ZFPM1: variants seen among roughly 807,000 people sequenced by gnomAD.
ZFPM1 encodes zinc finger protein, FOG family member 1.
Under a neutral mutation model 46.3 loss-of-function variants are expected in ZFPM1, and 28 were observed. The ratio of observed to expected loss-of-function variants is 0.60; its 90% CI spans 0.45 to 0.83. The LOEUF (loss-of-function observed/expected upper bound fraction) is 0.83. Ranked by LOEUF, ZFPM1 falls within the 40% of genes least tolerant of loss-of-function variation. ZFPM1 has a pLI of 0.00. For synonymous variants in ZFPM1, 957 were observed against 675.9 expected, an observed-to-expected ratio of 1.42 and a Z score of -6.45; for missense variants, 1,878 against 1,432.4, an observed-to-expected ratio of 1.31 and a Z score of -5.02.
intron 1 of ZFPM1, among the ~76,000 whole-genome samples, chr16:88,483,411 G>A (rs749870618): frequency 1.3e-5 from 2 of 152,140 alleles, no homozygotes; most frequent in East Asian, 1.9e-4. Context: ...CCTGGCCCCC[G>A]ACCTCCCCTT....
rs1219781643 is a variant in ZFPM1, at chr16:88,504,688, C to T, written c.269-9699C>T. Among the ~76,000 whole-genome samples, 4 of 152,184 alleles carry T rather than the reference C, an allele frequency of 2.6e-5. No individual in the cohort carries two copies. The East Asian group carries it at 5.8e-4, about 22-fold the overall frequency. ...TACCGTGGCGCTCTGCCTGCCAGTCCAGCTGCCCCAGACGGGGCCAAGGTA... is the reference window on the plus strand; with the variant it reads ...TACCGTGGCGCTCTGCCTGCCAGTCTAGCTGCCCCAGACGGGGCCAAGGTA... On this transcript the variant is annotated intron_variant, in intron 3 of 9. Coordinates refer to ENST00000319555, the MANE Select transcript of ZFPM1 (RefSeq NM_153813.3).
chr16:88,493,816 G>A (rs183689818), intron 3 of ZFPM1, among the ~76,000 whole-genome samples: 18 of 152,244 alleles, frequency 1.2e-4, no homozygotes, highest in African/African-American at 4.1e-4. Context: ...AAGGATCAGG[G>A]AGGCACTCAG....
chr16:88,524,203 C>G (rs1365240417), intron 4 of ZFPM1, among the ~76,000 whole-genome samples: 2 of 152,180 alleles, frequency 1.3e-5, no homozygotes, highest in African/African-American at 2.4e-5. Context: ...ATTAGAGGCT[C>G]AGGAAGGCCA....
At chr16:88,519,949 G>A (rs1911699293) in intron 4 of ZFPM1, among the ~76,000 whole-genome samples, 1 of 149,886 alleles carries the variant, frequency 6.7e-6, no homozygotes, top group South Asian at 2.1e-4. Flanking sequence ...ATGGATGGAT[G>A]AATGGATGGA....
intron 3 of ZFPM1, among the ~76,000 whole-genome samples, chr16:88,502,334 G>A (rs528689135): frequency 4.2e-4 from 64 of 151,568 alleles, no homozygotes; most frequent in South Asian, 8.3e-4. Context: ...CTCCCACCCC[G>A]GCCCCCCGCC....
chr16:88,500,455 G>A (rs969879284), intron 3 of ZFPM1, among the ~76,000 whole-genome samples: 36 of 152,372 alleles, frequency 2.4e-4, no homozygotes, highest in Admixed American at 1.6e-3. Flanking sequence ...CACTACACCC[G>A]TGTCACCACC....
rs761088971 is a variant in ZFPM1, at chr16:88,532,647, C to G, written c.980C>G (p.Ser327Trp). The G allele has an allele frequency of 2.5e-6, 4 of 1,589,900 alleles. No individual in the cohort carries two copies. The highest frequency in any genetic ancestry group is 3.4e-6 in the Non-Finnish European group (4 of 1,168,154). Residue 327 changes from serine to tryptophan, a missense_variant, in exon 8 of 10, where the codon TCG becomes TGG. Physicochemically the swap from Ser to Trp is radical, Grantham distance 177 (BLOSUM62 -3). Transcript: ENST00000319555. ...ERPFVCLICL[S>W]AFTTKANCER... ...CCCTTCGTGTGCCTGATCTGCCTGT[C>G]GGCCTTCACCACCAAGGCCAACTGC...
Position 88,533,639 on chromosome 16 carries a change from GGC to G in ZFPM1, c.1684_1685del (p.Ala562ArgfsTer109). 6.9e-7 allele frequency: 1 copy of G among 1,459,448 alleles called. No homozygotes were observed. The highest frequency in any genetic ancestry group is 9.1e-7 in the Non-Finnish European group (1 of 1,104,266). 90.4% of individuals were successfully genotyped at this position (1,459,448 alleles called of 1,614,324 possible). The stretch of plus-strand genomic sequence containing the variant: ...CCGGCTGCAGCAGGGCGCGGGCGCG[GGC>G]GCCGGCGGCGCGCAGACCGGGCTCT... ...HSRLQQGAGA[G>X]AGGAQTGLFP... On this transcript the variant is annotated frameshift_variant, in exon 10 of 10. Coordinates refer to ENST00000319555, the MANE Select transcript of ZFPM1 (RefSeq NM_153813.3). LOFTEE classifies it low-confidence loss of function (END_TRUNC).
rs750754567 is a variant in ZFPM1 at position 88,526,807 on chromosome 16, C to G, written c.403-7C>G. ...CCTCCCCACGTGTTCCTACCCTCCC[C>G]CCCCAGAGCCCAGCCCTGACCCTGC... On this transcript the variant is annotated splice_polypyrimidine_tract_variant and splice_region_variant and intron_variant, in intron 4 of 9. Coordinates refer to ENST00000319555, the MANE Select transcript of ZFPM1 (RefSeq NM_153813.3). The G allele has an allele frequency of 5.5e-5, 85 of 1,543,316 alleles. 2 individuals carry two copies. The highest frequency in any genetic ancestry group is 2.6e-4 in the Admixed American group (13 of 50,924).
In ZFPM1 at chr16:88,501,390, C is replaced by T. The variant is rs796702183; in HGVS notation, c.268+12237C>T. 3.1e-3 allele frequency among the ~76,000 whole-genome samples: 282 copies of T among 92,312 alleles called. 5 individuals are homozygous for T. The highest frequency in any genetic ancestry group is 8.8e-3 in the South Asian group (19 of 2,156). The allele number at this position is 92,312 out of a possible 152,430, so 60.6% of individuals were successfully genotyped here. Reference sequence around the variant, plus strand: ...GAGATAGCAGACATGGGTGCGGGGCCCTCCCGCAGGTGCTGGTGATGATGG... The same window carrying T: ...GAGATAGCAGACATGGGTGCGGGGCTCTCCCGCAGGTGCTGGTGATGATGG... On this transcript the variant is annotated intron_variant, in intron 3 of 9. Coordinates refer to ENST00000319555, the MANE Select transcript of ZFPM1 (RefSeq NM_153813.3).
intron 7 of ZFPM1, 108 bp from the exon 8 acceptor site, chr16:88,532,506 A>G (rs1435866334): frequency 1.7e-6 from 2 of 1,197,982 alleles, no homozygotes; most frequent in African/African-American, 1.5e-5. Flanking sequence ...CCTTCAGCAC[A>G]GGGTCCCCCG....
rs138437264 is a variant in ZFPM1 at position 88,487,630 on chromosome 16, G to A, written c.146-1401G>A. Among the ~76,000 whole-genome samples the A allele has an allele frequency of 2.3e-3, 354 of 152,276 alleles. 2 individuals are homozygous for A. Among genetic ancestry groups the A allele is most frequent in the African/African-American group, 8.0e-3 (332 of 41,570 alleles). On this transcript the variant is annotated intron_variant, in intron 2 of 9. Transcript: ENST00000319555. ...CCTGGCTTGGGAGCGGGATTTCTCA[G>A]TGGGGACCCCCACCCCAGCATTTCC... is the stretch of plus-strand genomic sequence containing the variant.
chr16:88,470,896 G>A (rs570985368), intron 1 of ZFPM1, among the ~76,000 whole-genome samples: 7 of 152,086 alleles, frequency 4.6e-5, no homozygotes, highest in South Asian at 2.1e-4. Context: ...ACACATCCTC[G>A]CCGAGCGCAC....
intron 4 of ZFPM1, among the ~76,000 whole-genome samples, chr16:88,517,182 A>G (rs1330670059): frequency 2.8e-3 from 34 of 12,036 alleles, no homozygotes; most frequent in African/African-American, 5.3e-3. Flanking sequence ...GGATGGGTAG[A>G]TGGATGGATG....
At chr16:88,521,441 G>A (rs1597276008) in intron 4 of ZFPM1, among the ~76,000 whole-genome samples, 1 of 151,870 alleles carries the variant, frequency 6.6e-6, no homozygotes, top group Non-Finnish European at 1.5e-5. Context: ...ATCCCCAGGT[G>A]AGAAAGCCTC....
chr16:88,456,659 G>A (rs1489277584), intron 1 of ZFPM1, among the ~76,000 whole-genome samples: 1 of 152,224 alleles, frequency 6.6e-6, no homozygotes, highest in Non-Finnish European at 1.5e-5. Flanking sequence ...TTCCACTGCT[G>A]TCGGGGGAGC....
chr16:88,474,223 C>T (rs555104485), intron 1 of ZFPM1, among the ~76,000 whole-genome samples: 4 of 152,314 alleles, frequency 2.6e-5, no homozygotes, highest in East Asian at 3.9e-4. Flanking sequence ...TGCCTTGCCC[C>T]GCCCGGGCCA....
chr16:88,468,900 C>G (rs1908284836), intron 1 of ZFPM1: 1 of 153,126 alleles, frequency 6.5e-6, no homozygotes, highest in Middle Eastern at 9.7e-4. Context: ...CTGCCACCAC[C>G]ACCACCGGCT....
In ZFPM1 at chr16:88,471,949, T is replaced by G. The variant is rs1000685477; in HGVS notation, c.41-13990T>G. Among the ~76,000 whole-genome samples the G allele has an allele frequency of 2.6e-5, 4 of 152,138 alleles. No homozygotes were observed. Among genetic ancestry groups the G allele is most frequent in the Non-Finnish European group, 5.9e-5 (4 of 68,004 alleles). ...CTTGGGTGGGCCGGGGCAGGGGCCG[T>G]GTGGTCTGCAGGGAGTGGAGCCAGA... On this transcript the variant is annotated intron_variant, in intron 1 of 9. Transcript: ENST00000319555. The surrounding 1 kb of genome is among the most constrained non-coding windows in gnomAD (Gnocchi z 4.1).
Sources: allele counts gnomAD v4.1 joint callset (sites outside exome capture counted in the v4.1 genomes callset), GRCh38; gene constraint gnomAD v4.1.1; non-coding constraint Gnocchi (gnomAD v3.1); transcripts MANE v1.5; gene names NCBI Gene and HGNC (gene_info 2026-07-23, HGNC 2026-07-21).